The following PUM2 variants were observed in gnomAD, a reference collection of about 807,000 sequenced individuals.
PUM2 encodes pumilio homolog 2.
Under a neutral mutation model 124.5 loss-of-function variants are expected in PUM2, and 57 were observed. That is an observed-to-expected ratio of 0.46 (90% confidence interval 0.37 to 0.57). The LOEUF (loss-of-function observed/expected upper bound fraction) is 0.57. Among genes scored for constraint, PUM2 ranks in the 20% least tolerant of loss-of-function variants. PUM2 has a pLI of 0.00. For missense variants in PUM2, 1,065 were observed against 1,290.6 expected, an observed-to-expected ratio of 0.83 and a Z score of 2.68; for synonymous variants, 460 against 446.1, an observed-to-expected ratio of 1.03 and a Z score of -0.39.
At position 20,249,211 on chromosome 2, in the gene PUM2, T is replaced by A. The variant is rs1393768624; in HGVS notation, c.*2374A>T. 1.3e-5 allele frequency: 2 copies of A among 152,206 alleles called. No homozygotes were observed. The highest frequency in any genetic ancestry group is 1.3e-4 in the Admixed American group (2 of 15,276). 9.4% of individuals were successfully genotyped at this position (152,206 alleles called of 1,614,324 possible). A position where few individuals can be genotyped will look rare whatever the true frequency, so the allele number is the denominator to read the frequency against. On this transcript the variant is annotated 3_prime_UTR_variant, in exon 21 of 21. Coordinates refer to ENST00000361078, the MANE Select transcript of PUM2 (RefSeq NM_015317.5). ...TGCCTGTGCCAACAGAGGGCAAGGATGAAGGAAGACTAGGAATTCAACTGT... is the reference window on the plus strand; with the variant it reads ...TGCCTGTGCCAACAGAGGGCAAGGAAGAAGGAAGACTAGGAATTCAACTGT...
At chr2:20,255,717 T>C (rs1374690036) in intron 17 of PUM2, among the ~76,000 whole-genome samples, 2 of 152,206 alleles carry the variant, frequency 1.3e-5, no homozygotes, top group Non-Finnish European at 2.9e-5. Flanking sequence ...TACAGTCTTA[T>C]GTCTTTCTCC....
At chr2:20,350,525 C>A (rs1689144363) in intron 1 of PUM2, 72 bp downstream of exon 1, 1 of 985,638 alleles carries the variant, frequency 1.0e-6, no homozygotes. Flanking sequence ...CCGAGGCCGC[C>A]GCACAAAGCC....
chr2:20,254,988 A>G lies in PUM2; in HGVS notation c.2749-4T>C. 1 of 1,604,676 alleles carries G rather than the reference A, an allele frequency of 6.2e-7. No homozygotes were observed. The highest frequency in any genetic ancestry group is 8.5e-7 in the Non-Finnish European group (1 of 1,176,724). On this transcript the variant is annotated splice_polypyrimidine_tract_variant and splice_region_variant and intron_variant, in intron 18 of 20. Coordinates refer to ENST00000361078, the MANE Select transcript of PUM2 (RefSeq NM_015317.5). ...TAACATAATTGCCATACTGATCCTA[A>G]GACAGATATTTAAAAATTACTTTCC...
chr2:20,318,729 T>C (rs969471387), intron 2 of PUM2, 84 bp from the exon 3 acceptor site: 2 of 905,050 alleles, frequency 2.2e-6, no homozygotes, highest in African/African-American at 1.7e-5. Flanking sequence ...ATCACTGCTA[T>C]GTATACATTA....
chr2:20,347,535 G>A (rs1196413113), intron 1 of PUM2, among the ~76,000 whole-genome samples: 1 of 152,048 alleles, frequency 6.6e-6, no homozygotes, highest in African/African-American at 2.4e-5. Flanking sequence ...AACTACAAAA[G>A]CAATTAAGTT....
intron 13 of PUM2, among the ~76,000 whole-genome samples, chr2:20,266,451 GAAACA>G (rs1572604039): frequency 1.7e-5 from 2 of 120,394 alleles, no homozygotes; most frequent in South Asian, 5.1e-4. Flanking sequence ...TCTCAAAAAC[GAAACA>G]AAACAAAACA....
intron 7 of PUM2, among the ~76,000 whole-genome samples, chr2:20,305,802 C>T (rs1412082279): frequency 6.6e-6 from 1 of 152,094 alleles, no homozygotes; most frequent in African/African-American, 2.4e-5. Context: ...AATAACAAAA[C>T]ATAAAATACA....
chr2:20,262,931 A>C (rs1463481647), intron 14 of PUM2, among the ~76,000 whole-genome samples: 1 of 152,226 alleles, frequency 6.6e-6, no homozygotes, highest in East Asian at 1.9e-4. Flanking sequence ...CGATGTAATC[A>C]AAATAATCCA....
chr2:20,334,079 C>T (rs1027814111), intron 1 of PUM2, among the ~76,000 whole-genome samples: 1 of 152,132 alleles, frequency 6.6e-6, no homozygotes, highest in African/African-American at 2.4e-5. Flanking sequence ...TGAGACAATT[C>T]AACCTCTTTT....
intron 1 of PUM2, chr2:20,350,359 G>A: frequency 1.5e-6 from 1 of 652,150 alleles, no homozygotes; most frequent in Non-Finnish European, 1.9e-6. Flanking sequence ...GCAGAGGGAA[G>A]GAAGCGGGAA....
chr2:20,284,468 G>A (rs765067883), intron 10 of PUM2, among the ~76,000 whole-genome samples: 2 of 152,028 alleles, frequency 1.3e-5, no homozygotes, highest in Non-Finnish European at 2.9e-5. Context: ...TGATCCTCCC[G>A]CCTCAGCATC....
chr2:20,328,809 T>C (rs1684260815), intron 1 of PUM2, among the ~76,000 whole-genome samples: 1 of 152,218 alleles, frequency 6.6e-6, no homozygotes, highest in Non-Finnish European at 1.5e-5. Context: ...AGAGCTTCAG[T>C]GACCTATAAA....
intron 2 of PUM2, chr2:20,326,412 G>C: frequency 7.7e-7 from 1 of 1,304,180 alleles, no homozygotes; most frequent in Non-Finnish European, 1.0e-6. Flanking sequence ...TGGATGGAGT[G>C]AGTCTCATGA....
chr2:20,275,303 T>C (rs1260011848), intron 13 of PUM2, among the ~76,000 whole-genome samples: 1 of 152,010 alleles, frequency 6.6e-6, no homozygotes. Flanking sequence ...ATCTACCCAT[T>C]TGTAGATAAC....
At chr2:20,264,946 G>C (rs373823168) in intron 13 of PUM2, among the ~76,000 whole-genome samples, 7 of 151,942 alleles carry the variant, frequency 4.6e-5, no homozygotes, top group African/African-American at 1.5e-4. Flanking sequence ...CTATTACATA[G>C]CATATTATGC....
At chr2:20,313,860 A>C (rs967305413) in intron 3 of PUM2, among the ~76,000 whole-genome samples, 2 of 143,110 alleles carry the variant, frequency 1.4e-5, no homozygotes, top group Admixed American at 7.0e-5. Flanking sequence ...AAAAAAAAAA[A>C]GGCCAGGGGC....
Position 20,254,971 on chromosome 2 carries a change from T to A in PUM2, c.2762A>T (p.Asn921Ile). ...TTCCAGTACATGCTGAATAACATAA[T>A]TGCCATACTGATCCTAAGACAGATA... The part of the protein sequence containing the change: ...TEQLVQDQYG[N>I]YVIQHVLEHG... Residue 921 changes from asparagine (N) to isoleucine (I), a missense_variant, in exon 19 of 21, where the codon AAT (asparagine) becomes ATT (isoleucine). By Grantham distance (149) the Asn-to-Ile change is moderately radical. This residue lies in a region of PUM2 where 968 missense variants were observed against 1,159.8 expected (regional missense o/e 0.83). Coordinates refer to ENST00000361078, the MANE Select transcript of PUM2 (RefSeq NM_015317.5). 6.2e-7 allele frequency: 1 copy of A among 1,612,854 alleles called. No homozygotes were observed. The highest frequency in any genetic ancestry group is 8.5e-7 in the Non-Finnish European group (1 of 1,179,312).
intron 1 of PUM2, among the ~76,000 whole-genome samples, chr2:20,349,034 T>C (rs1408207810): frequency 6.6e-6 from 1 of 152,244 alleles, no homozygotes; most frequent in African/African-American, 2.4e-5. Context: ...CCTGAGAATT[T>C]ATTCTAAAGT....
chr2:20,270,409 T>A (rs566108252), intron 13 of PUM2, among the ~76,000 whole-genome samples: 6 of 152,178 alleles, frequency 3.9e-5, no homozygotes, highest in Non-Finnish European at 8.8e-5. Flanking sequence ...TATGCAATCT[T>A]AAAGCTTGCT....
Sources: allele counts gnomAD v4.1 joint callset (sites outside exome capture counted in the v4.1 genomes callset), GRCh38; gene constraint gnomAD v4.1.1; regional missense constraint gnomAD v4.1.1; transcripts MANE v1.5; gene names NCBI Gene and HGNC (gene_info 2026-07-23, HGNC 2026-07-21).